PTPRK: variants seen among roughly 807,000 people sequenced by gnomAD.
The protein encoded by PTPRK is receptor-type tyrosine-protein phosphatase kappa.
A neutral mutation model predicts 178.0 loss-of-function variants in PTPRK; 75 were observed. That is an observed-to-expected ratio of 0.42 (90% CI 0.35 to 0.51). The LOEUF (loss-of-function observed/expected upper bound fraction) is 0.51. PTPRK is among the 20% of genes least tolerant of loss of function. The probability of loss-of-function intolerance (pLI) is 0.02; values close to 1 mark genes in which losing one functional copy is unlikely to be tolerated. For missense variants in PTPRK, 1,441 were observed against 1,797.8 expected, an observed-to-expected ratio of 0.80 and a Z score of 3.59; for synonymous variants, 637 against 620.6, an observed-to-expected ratio of 1.03 and a Z score of -0.39.
At chr6:128,334,830 C>T (rs1381550690) in intron 2 of PTPRK, among the ~76,000 whole-genome samples, 3 of 152,170 alleles carry the variant, frequency 2.0e-5, no homozygotes, top group East Asian at 3.9e-4. Flanking sequence ...GTGGCTCACG[C>T]CTGTAATCCC....
At chr6:128,473,428 T>G (rs1299419410) in intron 1 of PTPRK, among the ~76,000 whole-genome samples, 1 of 115,062 alleles carries the variant, frequency 8.7e-6, no homozygotes, top group Non-Finnish European at 1.8e-5. Context: ...TTTTTTTTTT[T>G]GCCTTGCAAT....
rs959406470 is a variant in PTPRK, at chr6:128,520,535, C to T, written c.-177G>A. ...CAAACTACCTCAGGGGCGAAAGCGT[C>T]GCCAGCGTCGCCGGCCGGCCGCGGC... On this transcript the variant is annotated 5_prime_UTR_variant, in exon 1 of 30. Transcript: ENST00000368226. The T allele has an allele frequency of 5.1e-6, 3 of 590,732 alleles. No individual in the cohort carries two copies. Among genetic ancestry groups the T allele is most frequent in the African/African-American group, 1.9e-5 (1 of 53,166 alleles). The allele number at this position is 590,732 out of a possible 1,614,324, so 36.6% of individuals were successfully genotyped here. A position where few individuals can be genotyped will look rare whatever the true frequency, so the allele number is the denominator to read the frequency against.
At chr6:128,093,696 C>T (rs1787438180) in intron 7 of PTPRK, among the ~76,000 whole-genome samples, 1 of 148,886 alleles carries the variant, frequency 6.7e-6, no homozygotes, top group Admixed American at 6.7e-5. Context: ...GAGTGATCTT[C>T]ATGCAATGAG....
chr6:128,256,997 G>A (rs1160520256), intron 3 of PTPRK, among the ~76,000 whole-genome samples: 1 of 151,860 alleles, frequency 6.6e-6, no homozygotes, highest in African/African-American at 2.4e-5. Context: ...TTGGGAGGCC[G>A]AGGCAGGAGG....
intron 2 of PTPRK, among the ~76,000 whole-genome samples, chr6:128,390,542 T>C (rs1396681502): frequency 6.6e-6 from 1 of 152,124 alleles, no homozygotes. Context: ...ATAAATTATA[T>C]AGCTCATTAT....
At chr6:128,222,064 A>T (rs1259150346) in intron 5 of PTPRK, among the ~76,000 whole-genome samples, 1 of 152,084 alleles carries the variant, frequency 6.6e-6, no homozygotes, top group South Asian at 2.1e-4. Context: ...GCTCCCTGCC[A>T]TATGTATTTC....
At chr6:128,293,211 G>A (rs1451633950) in intron 3 of PTPRK, among the ~76,000 whole-genome samples, 1 of 151,884 alleles carries the variant, frequency 6.6e-6, no homozygotes, top group Non-Finnish European at 1.5e-5. Context: ...CCAGAGACTG[G>A]GTAATTTAAA....
chr6:128,167,555 C>T (rs1376741114), intron 7 of PTPRK, among the ~76,000 whole-genome samples: 1 of 151,830 alleles, frequency 6.6e-6, no homozygotes, highest in African/African-American at 2.4e-5. Flanking sequence ...TACTTGGTTG[C>T]TACTCAAGAG....
chr6:128,169,057 G>C (rs567984647), intron 7 of PTPRK, among the ~76,000 whole-genome samples: 87 of 152,108 alleles, frequency 5.7e-4, no homozygotes, highest in African/African-American at 1.7e-3. Flanking sequence ...GAGCAGGGAG[G>C]GGGAGAATAT....
intron 6 of PTPRK, among the ~76,000 whole-genome samples, chr6:128,188,497 A>T (rs537866401): frequency 4.0e-4 from 61 of 152,200 alleles, no homozygotes; most frequent in African/African-American, 1.4e-3. Flanking sequence ...AATACCTCTC[A>T]ATCCTACCTC....
chr6:128,247,110 A>G (rs1815607944), intron 3 of PTPRK, among the ~76,000 whole-genome samples: 2 of 152,174 alleles, frequency 1.3e-5, no homozygotes, highest in African/African-American at 2.4e-5. Context: ...CTGTAGTCTC[A>G]TCTTGACAAT....
At chr6:128,269,932 A>G (rs1439915079) in intron 3 of PTPRK, among the ~76,000 whole-genome samples, 1 of 152,114 alleles carries the variant, frequency 6.6e-6, no homozygotes, top group Non-Finnish European at 1.5e-5. Context: ...CAGTTTTTCT[A>G]TGGAGAAAAA....
intron 1 of PTPRK, among the ~76,000 whole-genome samples, chr6:128,407,270 A>G (rs776941778): frequency 3.9e-5 from 6 of 152,304 alleles, no homozygotes; most frequent in African/African-American, 1.4e-4. Flanking sequence ...CTAGTATATC[A>G]GAAGTTCGTG....
intron 3 of PTPRK, among the ~76,000 whole-genome samples, chr6:128,290,385 A>G (rs1823189499): frequency 6.6e-6 from 1 of 152,122 alleles, no homozygotes. Flanking sequence ...TTTCTATAGC[A>G]CTGGTTCTCA....
At chr6:128,125,856 G>C (rs1476651770) in intron 7 of PTPRK, among the ~76,000 whole-genome samples, 2 of 151,654 alleles carry the variant, frequency 1.3e-5, no homozygotes, top group Non-Finnish European at 1.5e-5. Flanking sequence ...GATCCACCCA[G>C]TTCGGCCTTC....
At chr6:128,235,807 G>T in intron 5 of PTPRK, among the ~76,000 whole-genome samples, 1 of 152,000 alleles carries the variant, frequency 6.6e-6, no homozygotes, top group East Asian at 1.9e-4. Context: ...CATATTGTCA[G>T]AAGGACAATA....
chr6:128,070,753 A>G (rs1003914108), intron 11 of PTPRK, among the ~76,000 whole-genome samples: 2 of 151,724 alleles, frequency 1.3e-5, no homozygotes, highest in African/African-American at 4.8e-5. Context: ...AATATGTTTA[A>G]CTCCAAAAGC....
chr6:128,366,697 C>T (rs779758343), intron 2 of PTPRK, among the ~76,000 whole-genome samples: 26 of 152,094 alleles, frequency 1.7e-4, no homozygotes, highest in Non-Finnish European at 3.5e-4. Flanking sequence ...TACATATTTA[C>T]AGTATTAATA....
intron 1 of PTPRK, among the ~76,000 whole-genome samples, chr6:128,418,604 T>C (rs1584622548): frequency 6.6e-6 from 1 of 152,206 alleles, no homozygotes; most frequent in South Asian, 2.1e-4. Context: ...CTCACCCTCA[T>C]CTGGGGAAAA....
Sources: gnomAD v4.1 joint callset for allele counts (sites outside exome capture counted in the v4.1 genomes callset) on GRCh38, gnomAD v4.1.1 for gene constraint, MANE v1.5 for transcripts, NCBI Gene and HGNC (gene_info 2026-07-23, HGNC 2026-07-21) for gene names.